Variants in CEP350 observed in about 807,000 individuals in gnomAD.
CEP350 encodes centrosome-associated protein 350.
A neutral mutation model predicts 331.8 loss-of-function variants in CEP350; 126 were observed. The observed-to-expected ratio is 0.38, with a 90% CI of 0.33 to 0.44. The LOEUF is 0.44. CEP350 is among the 20% of genes least tolerant of loss of function. The probability of loss-of-function intolerance (pLI) is 1.00; values close to 1 mark genes in which losing one functional copy is unlikely to be tolerated. For synonymous variants in CEP350, 1,200 were observed against 1,259.5 expected, an observed-to-expected ratio of 0.95 and a Z score of 1.00; for missense variants, 3,406 against 3,634.6, an observed-to-expected ratio of 0.94 and a Z score of 1.62.
intron 37 of CEP350, among the ~76,000 whole-genome samples, chr1:180,105,246 TG>T (rs1419493292): frequency 1.3e-5 from 2 of 152,034 alleles, no homozygotes; most frequent in East Asian, 3.9e-4. Context: ...TGCTGCTCCT[TG>T]GTCTCCTTTG....
intron 6 of CEP350, chr1:180,000,492 T>A (rs1222066514): frequency 6.5e-6 from 1 of 154,724 alleles, no homozygotes; most frequent in African/African-American, 2.4e-5. Context: ...TTCCTTTTGC[T>A]GTTTCCTTGG....
At chr1:180,107,834 A>T (rs944371860) in intron 37 of CEP350, among the ~76,000 whole-genome samples, 1 of 150,930 alleles carries the variant, frequency 6.6e-6, no homozygotes, top group African/African-American at 2.4e-5. Context: ...TCCCAAAAAA[A>T]CAAAACAAAA....
chr1:180,043,237 G>T, intron 20 of CEP350, 45 bp downstream of exon 20: 1 of 1,546,406 alleles, frequency 6.5e-7, no homozygotes, highest in African/African-American at 1.4e-5. Flanking sequence ...CTGTCTGTTA[G>T]GTTAATATTC....
At position 180,093,514 on chromosome 1, in the gene CEP350, G is replaced by A. The variant is rs542347497; in HGVS notation, c.7409G>A (p.Arg2470His). 14 of 1,612,942 alleles carry A rather than the reference G, an allele frequency of 8.7e-6. No homozygotes were observed. Among genetic ancestry groups the A allele is most frequent in the African/African-American group, 2.7e-5 (2 of 75,036 alleles). The stretch of plus-strand genomic sequence containing the variant: ...ACTGAGCTGATGAAAAGTAAGGAGC[G>A]CAGTGATGTGGAGCATGAACAGCAA... ...SPTELMKSKE[R>H]SDVEHEQQVT... is the part of the protein sequence containing the mutation. Residue 2470 changes from arginine to histidine, a missense_variant, in exon 34 of 38, where the codon CGC becomes CAC. By Grantham distance (29) the Arg-to-His change is conservative (BLOSUM62 0). Around this residue, in one of 5 missense-constraint regions of CEP350, gnomAD observed 1,415 missense variants for 1,512.3 expected, o/e 0.94. Coordinates refer to ENST00000367607, the MANE Select transcript of CEP350 (RefSeq NM_014810.5).
chr1:180,093,534 C>G lies in CEP350; in HGVS notation c.7429C>G (p.Gln2477Glu), dbSNP rs750752731. The G allele has an allele frequency of 2.0e-5, 33 of 1,613,590 alleles. No individual in the cohort carries two copies. Among genetic ancestry groups the G allele is most frequent in the Non-Finnish European group, 2.5e-5 (30 of 1,179,640 alleles). Reference sequence around the variant, plus strand: ...GGAGCGCAGTGATGTGGAGCATGAACAGCAAGTTACTGAATCCCCTTCCTT... The same window carrying G: ...GGAGCGCAGTGATGTGGAGCATGAAGAGCAAGTTACTGAATCCCCTTCCTT... ...SKERSDVEHE[Q>E]QVTESPSLAS... is the part of the protein sequence containing the mutation. Residue 2477 changes from glutamine to glutamate, a missense_variant, in exon 34 of 38, where the codon CAG becomes GAG. Around this residue, in one of 5 missense-constraint regions of CEP350, gnomAD observed 1,415 missense variants for 1,512.3 expected, o/e 0.94. Transcript: ENST00000367607.
intron 25 of CEP350, among the ~76,000 whole-genome samples, chr1:180,058,399 G>T (rs1657986325): frequency 6.6e-6 from 1 of 152,078 alleles, no homozygotes; most frequent in African/African-American, 2.4e-5. Context: ...AAACCATAAT[G>T]TTCTTTTTAA....
intron 1 of CEP350, among the ~76,000 whole-genome samples, chr1:179,977,946 T>C (rs1651994695): frequency 6.6e-6 from 1 of 150,410 alleles, no homozygotes; most frequent in African/African-American, 2.4e-5. Context: ...AATATTTTTA[T>C]CTATAAAAAT....
chr1:180,011,750 G>A (rs1335437631), intron 8 of CEP350, among the ~76,000 whole-genome samples, 179 bp from the exon 9 acceptor site: 1 of 152,170 alleles, frequency 6.6e-6, no homozygotes, highest in South Asian at 2.1e-4. Flanking sequence ...GGTAAATCAA[G>A]ATATAAACAA....
At chr1:179,982,134 C>T (rs1274098340) in intron 1 of CEP350, among the ~76,000 whole-genome samples, 3 of 152,156 alleles carry the variant, frequency 2.0e-5, no homozygotes, top group South Asian at 2.1e-4. Flanking sequence ...TTAAACTGAA[C>T]GTACCATTGA....
rs150581956 is a variant in CEP350, at chr1:180,010,636, C to T, written c.1247-1293C>T. On this transcript the variant is annotated intron_variant, in intron 8 of 37. Transcript: ENST00000367607. ...TTTTTTTCTGAGACAGGATCTCACT[C>T]AGTGTCCCAGGCTGGAGCACAGTGG... Among the ~76,000 whole-genome samples, 132 of 151,038 alleles carry T rather than the reference C, an allele frequency of 8.7e-4. 1 individual carries two copies. The highest frequency in any genetic ancestry group is 3.4e-3 in the Middle Eastern group (1 of 294).
At chr1:180,047,539 C>T (rs1170714414) in intron 21 of CEP350, among the ~76,000 whole-genome samples, 1 of 151,718 alleles carries the variant, frequency 6.6e-6, no homozygotes, top group Non-Finnish European at 1.5e-5. Flanking sequence ...GGTGGATCAT[C>T]TGAGGTTAGG....
chr1:180,021,667 A>G (rs1405190709), intron 12 of CEP350, among the ~76,000 whole-genome samples: 2 of 152,166 alleles, frequency 1.3e-5, no homozygotes, highest in African/African-American at 2.4e-5. Flanking sequence ...AAAAAAAAGA[A>G]AAGAAACTAA....
At chr1:179,999,934 A>G (rs1653749963) in intron 6 of CEP350, among the ~76,000 whole-genome samples, 1 of 152,274 alleles carries the variant, frequency 6.6e-6, no homozygotes, top group African/African-American at 2.4e-5. Context: ...TTCTTGTACT[A>G]TATTTGGTTG....
At position 180,044,000 on chromosome 1, in the gene CEP350, TTC is replaced by T. The variant is rs1369090255; in HGVS notation, c.4500-49_4500-48del. On this transcript the variant is annotated intron_variant, in intron 20 of 37. Transcript: ENST00000367607. ...TACTATTAAGCAATACTTAAAATCT[TTC>T]TGTTATTAGAGACTTTGAATGTTTA... The T allele has an allele frequency of 5.5e-6, 8 of 1,445,040 alleles. No homozygotes were observed. The African/African-American group carries it at 8.7e-5, about 16-fold the overall frequency. The allele number at this position is 1,445,040 out of a possible 1,614,324, so 89.5% of individuals were successfully genotyped here. A position where few individuals can be genotyped will look rare whatever the true frequency, so the allele number is the denominator to read the frequency against.
intron 23 of CEP350, among the ~76,000 whole-genome samples, chr1:180,053,538 G>T (rs1198438250): frequency 1.3e-5 from 2 of 152,128 alleles, no homozygotes; most frequent in Non-Finnish European, 1.5e-5. Flanking sequence ...GACAGTAATT[G>T]GCTTGCAGTA....
intron 6 of CEP350, among the ~76,000 whole-genome samples, chr1:180,001,823 T>G (rs974691135): frequency 6.6e-6 from 1 of 152,228 alleles, no homozygotes; most frequent in Non-Finnish European, 1.5e-5. Flanking sequence ...AGAAGGGTAG[T>G]TCATCTCTTT....
intron 37 of CEP350, among the ~76,000 whole-genome samples, chr1:180,107,207 A>G (rs1372167687): frequency 1.3e-5 from 2 of 152,212 alleles, no homozygotes; most frequent in East Asian, 3.8e-4. Context: ...ATAAAAAGAA[A>G]TGGCCCTTTA....
At chr1:180,110,661 C>A (rs1217770445) in intron 37 of CEP350, among the ~76,000 whole-genome samples, 1 of 152,180 alleles carries the variant, frequency 6.6e-6, no homozygotes, top group African/African-American at 2.4e-5. Context: ...GTGTTTTCCT[C>A]CCATTAAATT....
intron 27 of CEP350, among the ~76,000 whole-genome samples, chr1:180,072,789 G>C (rs1189757631): frequency 6.6e-6 from 1 of 152,096 alleles, no homozygotes; most frequent in Non-Finnish European, 1.5e-5. Flanking sequence ...TGAATGGCTG[G>C]ATTTATACCT....
Sources: gnomAD v4.1 joint callset for allele counts (sites outside exome capture counted in the v4.1 genomes callset) on GRCh38, gnomAD v4.1.1 for gene constraint, gnomAD v4.1.1 regional missense constraint, MANE v1.5 for transcripts, NCBI Gene and HGNC (gene_info 2026-07-23, HGNC 2026-07-21) for gene names.